Variants in ZNF267 observed in about 807,000 individuals in gnomAD.
ZNF267 encodes zinc finger protein 267, also known as zinc finger (C2H2).
In ZNF267, 61 loss-of-function variants were observed where a neutral mutation model predicts 71.6. That is an observed-to-expected ratio of 0.85 (90% confidence interval 0.69 to 1.05). The LOEUF is 1.05. Among genes scored for constraint, ZNF267 ranks in the 50% least tolerant of loss-of-function variants. The pLI is 0.00. For missense variants in ZNF267, 852 were observed against 870.0 expected (o/e 0.98, Z 0.26); for synonymous variants, 288 against 293.2 (o/e 0.98, Z 0.18).
At chr16:31,874,553 G>C (rs906641292) in intron 1 of ZNF267, among the ~76,000 whole-genome samples, 2 of 152,234 alleles carry the variant, frequency 1.3e-5, no homozygotes, top group African/African-American at 2.4e-5. Flanking sequence ...AGACTATGCA[G>C]GTGGAGGTGA....
At chr16:31,898,195 G>A (rs927645447) in intron 3 of ZNF267, among the ~76,000 whole-genome samples, 4 of 152,098 alleles carry the variant, frequency 2.6e-5, no homozygotes, top group Non-Finnish European at 5.9e-5. Flanking sequence ...TTTCTGGTCA[G>A]TGGACACTAT....
intron 1 of ZNF267, among the ~76,000 whole-genome samples, chr16:31,876,523 A>T (rs2083853493): frequency 6.6e-6 from 1 of 152,186 alleles, no homozygotes; most frequent in African/African-American, 2.4e-5. Flanking sequence ...CTGGCCTTGG[A>T]TGTATGGCTT....
chr16:31,898,850 G>A (rs6565292), intron 3 of ZNF267, among the ~76,000 whole-genome samples: 149,789 of 152,200 alleles, frequency 0.98, 73,759 homozygotes, highest in Middle Eastern at 1. Context: ...TGGAAGATCT[G>A]CCAAGCAGAT....
rs1458387301 is a variant in ZNF267, at chr16:31,916,613, C to T, written c.*132C>T. 1.1e-6 allele frequency: 1 copy of T among 903,594 alleles called. No individual in the cohort carries two copies. The highest frequency in any genetic ancestry group is 1.6e-6 in the Non-Finnish European group (1 of 613,648). The allele number at this position is 903,594 out of a possible 1,614,324, so 56.0% of individuals were successfully genotyped here. A position where few individuals can be genotyped will look rare whatever the true frequency, so the allele number is the denominator to read the frequency against. On this transcript the variant is annotated 3_prime_UTR_variant, in exon 4 of 4. Transcript: ENST00000300870. ...CCTTTAACTATTTTCAAGCCTTACACAATAGCAGAGAATATAAACTGAAAA... is the reference window on the plus strand; with the variant it reads ...CCTTTAACTATTTTCAAGCCTTACATAATAGCAGAGAATATAAACTGAAAA...
At position 31,915,054 on chromosome 16, in the gene ZNF267, T is replaced by C. The variant is rs777012414; in HGVS notation, c.805T>C (p.Cys269Arg). The C allele has an allele frequency of 6.2e-7, 1 of 1,612,960 alleles. No homozygotes were observed. Residue 269 changes from cysteine (C) to arginine (R), a missense_variant, in exon 4 of 4, where the codon TGT becomes CGT. Transcript: ENST00000300870. The stretch of plus-strand genomic sequence containing the variant: ...AGAGAAACAAGAACAGTCTTACAAA[T>C]GTAATAAATGTGTAGAAGTTTGTAC... ...GQEKQEQSYK[C>R]NKCVEVCTQS...
chr16:31,875,308 G>A, intron 1 of ZNF267: 1 of 1,288,968 alleles, frequency 7.8e-7, no homozygotes, highest in Non-Finnish European at 1.0e-6. Context: ...CCAAGGTATG[G>A]AAATGTAGTC....
rs376639557 is a variant in ZNF267, at chr16:31,878,114, C to T, written c.3+4145C>T. Among the ~76,000 whole-genome samples, 3 of 152,108 alleles carry T rather than the reference C, an allele frequency of 2.0e-5. No individual in the cohort carries two copies. In the East Asian group the frequency reaches 5.8e-4, roughly 29 times the overall value. On this transcript the variant is annotated intron_variant, in intron 1 of 3. Coordinates refer to ENST00000300870, the MANE Select transcript of ZNF267 (RefSeq NM_003414.6). The stretch of plus-strand genomic sequence containing the variant: ...CGTGGTGTCAGAATTAAGTTTTTGG[C>T]ACCCAGTTGATGTTGGAGGATTGGT...
intron 3 of ZNF267, among the ~76,000 whole-genome samples, chr16:31,896,120 T>C (rs1259975013): frequency 6.6e-6 from 1 of 152,150 alleles, no homozygotes; most frequent in Non-Finnish European, 1.5e-5. Context: ...CAAGTGATGC[T>C]CCTGTCTCAT....
intron 1 of ZNF267, among the ~76,000 whole-genome samples, chr16:31,881,852 A>G (rs1055001335): frequency 6.6e-6 from 1 of 151,818 alleles, no homozygotes; most frequent in Non-Finnish European, 1.5e-5. Flanking sequence ...TTTAGTAGAG[A>G]CAGGGTTTCA....
chr16:31,905,425 A>G lies in ZNF267; in HGVS notation c.227-9051A>G, dbSNP rs547905496. ...CTCCTCGTCACTTTCAGGTACACCAATGAGACGTAGATTTGGTCTTTTCAC... is the reference window on the plus strand; with the variant it reads ...CTCCTCGTCACTTTCAGGTACACCAGTGAGACGTAGATTTGGTCTTTTCAC... On this transcript the variant is annotated intron_variant, in intron 3 of 3. Coordinates refer to ENST00000300870, the MANE Select transcript of ZNF267 (RefSeq NM_003414.6). 7.9e-5 allele frequency among the ~76,000 whole-genome samples: 12 copies of G among 152,210 alleles called. No individual in the cohort carries two copies. The South Asian group carries it at 1.2e-3, about 16-fold the overall frequency.
intron 1 of ZNF267, among the ~76,000 whole-genome samples, chr16:31,875,858 T>G (rs114297124): frequency 2.1e-3 from 315 of 152,362 alleles, no homozygotes; most frequent in African/African-American, 6.9e-3. Flanking sequence ...TCCAAGGCCA[T>G]GAAAGGTGGA....
chr16:31,897,001 T>TGCTA lies in ZNF267; in HGVS notation c.226+11747_226+11750dup, dbSNP rs528085356. 4.6e-5 allele frequency among the ~76,000 whole-genome samples: 7 copies of TGCTA among 152,244 alleles called. No homozygotes were observed. In the East Asian group the frequency reaches 1.3e-3, roughly 29 times the overall value. On this transcript the variant is annotated intron_variant, in intron 3 of 3. Coordinates refer to ENST00000300870, the MANE Select transcript of ZNF267 (RefSeq NM_003414.6). ...ATTTCATCTTCTTAGTTACGTTCAT[T>TGCTA]GCTAGGTATCTTAATTTTAGTACTT... is the stretch of plus-strand genomic sequence containing the variant.
rs539780095 is a variant in ZNF267, at chr16:31,873,821, T to G, written c.-146T>G. 2 of 1,118,224 alleles carry G rather than the reference T, an allele frequency of 1.8e-6. No homozygotes were observed. The highest frequency in any genetic ancestry group is 1.9e-5 in the Admixed American group (1 of 52,160). 69.3% of individuals were successfully genotyped at this position (1,118,224 alleles called of 1,614,324 possible). A position where few individuals can be genotyped will look rare whatever the true frequency, so the allele number is the denominator to read the frequency against. Reference sequence around the variant, plus strand: ...TCGTCGGCTCCAGTTAGAGCTCGGGTCTCCTCGCCACAGCTCCGAGTCTTT... The same window carrying G: ...TCGTCGGCTCCAGTTAGAGCTCGGGGCTCCTCGCCACAGCTCCGAGTCTTT... On this transcript the variant is annotated 5_prime_UTR_variant, in exon 1 of 4. Transcript: ENST00000300870.
chr16:31,891,010 A>G (rs2083956644), intron 3 of ZNF267, among the ~76,000 whole-genome samples: 1 of 152,038 alleles, frequency 6.6e-6, no homozygotes, highest in Non-Finnish European at 1.5e-5. Flanking sequence ...TTTCTGTTTT[A>G]TAGTTTCTTT....
In ZNF267 at chr16:31,915,447, A is replaced by C. The variant is rs1246138063; in HGVS notation, c.1198A>C (p.Arg400=). 1 of 1,613,834 alleles carries C rather than the reference A, an allele frequency of 6.2e-7. No individual in the cohort carries two copies. The highest frequency in any genetic ancestry group is 8.5e-7 in the Non-Finnish European group (1 of 1,179,938). The change falls in exon 4 of 4, where the codon AGA becomes CGA. Residue 400 remains arginine (R), a synonymous_variant. Coordinates refer to ENST00000300870, the MANE Select transcript of ZNF267 (RefSeq NM_003414.6). ...TRSSNLIVHQ[R]IHTGEKPYKC... ...TTCCTCCAATCTTATTGTGCATCAG[A>C]GAATTCACACTGGAGAGAAACCATA...
At chr16:31,912,366 G>T (rs2084141821) in intron 3 of ZNF267, 1 of 151,706 alleles carries the variant, frequency 6.6e-6, no homozygotes, top group Non-Finnish European at 1.5e-5. Flanking sequence ...AATATGTCAT[G>T]CTATTCTCTC....
intron 3 of ZNF267, among the ~76,000 whole-genome samples, chr16:31,906,881 C>T (rs2084095377): frequency 6.6e-6 from 1 of 152,012 alleles, no homozygotes; most frequent in Admixed American, 6.5e-5. Context: ...AGGCTGGGAG[C>T]TGTAGACTGG....
At chr16:31,907,124 C>T (rs888740063) in intron 3 of ZNF267, among the ~76,000 whole-genome samples, 2 of 152,040 alleles carry the variant, frequency 1.3e-5, no homozygotes, top group Non-Finnish European at 2.9e-5. Flanking sequence ...TTCTTTCTGA[C>T]TTCAAGATTC....
intron 3 of ZNF267, among the ~76,000 whole-genome samples, chr16:31,902,340 G>T: frequency 6.6e-6 from 1 of 152,010 alleles, no homozygotes; most frequent in South Asian, 2.1e-4. Context: ...GAAAGTCATT[G>T]GTAGCTTGAT....
Sources: gnomAD v4.1 joint callset for allele counts (sites outside exome capture counted in the v4.1 genomes callset) on GRCh38, gnomAD v4.1.1 for gene constraint, MANE v1.5 for transcripts, NCBI Gene and HGNC (gene_info 2026-07-23, HGNC 2026-07-21) for gene names.